The following ADGRL3 variants were observed in gnomAD, a reference collection of about 807,000 sequenced individuals.
The protein encoded by ADGRL3 is calcium-independent alpha-latrotoxin receptor 3.
In ADGRL3, 62 loss-of-function variants were observed where a neutral mutation model predicts 153.5. That is an observed-to-expected ratio of 0.40 (90% CI 0.33 to 0.50). ADGRL3 has a LOEUF of 0.50. Ranked by LOEUF, ADGRL3 falls within the 20% of genes least tolerant of loss-of-function variation. ADGRL3 has a pLI of 0.47. For synonymous variants in ADGRL3, 710 were observed against 672.5 expected, an observed-to-expected ratio of 1.06 and a Z score of -0.86; for missense variants, 1,641 against 1,859.4, an observed-to-expected ratio of 0.88 and a Z score of 2.16.
intron 5 of ADGRL3, among the ~76,000 whole-genome samples, chr4:61,600,477 T>C (rs965846061): frequency 1.3e-5 from 2 of 152,084 alleles, no homozygotes; most frequent in Non-Finnish European, 2.9e-5. Flanking sequence ...GCGTGATCTG[T>C]AAATTCAGAG....
intron 8 of ADGRL3, among the ~76,000 whole-genome samples, chr4:61,808,044 C>G (rs891030052): frequency 2.0e-5 from 3 of 152,160 alleles, no homozygotes; most frequent in Non-Finnish European, 1.5e-5. Flanking sequence ...CACAGTCTTT[C>G]ACTGGACTAT....
chr4:61,468,061 C>T (rs1056168814), intron 2 of ADGRL3, among the ~76,000 whole-genome samples: 6 of 152,046 alleles, frequency 3.9e-5, no homozygotes, highest in Non-Finnish European at 8.8e-5. Flanking sequence ...CGCTTTAGGC[C>T]CACAGCTCTT....
chr4:61,505,952 G>A (rs1291959381), intron 3 of ADGRL3, among the ~76,000 whole-genome samples: 2 of 152,054 alleles, frequency 1.3e-5, no homozygotes, highest in African/African-American at 2.4e-5. Context: ...AGAAGATGAT[G>A]TCACCATATT....
At chr4:61,624,356 G>C (rs886372387) in intron 5 of ADGRL3, among the ~76,000 whole-genome samples, 46 of 152,004 alleles carry the variant, frequency 3.0e-4, no homozygotes, top group African/African-American at 1.1e-3. Flanking sequence ...GTGAAGAATG[G>C]GATATAGAAA....
chr4:61,743,302 G>A (rs2096605989), intron 8 of ADGRL3, among the ~76,000 whole-genome samples: 1 of 137,778 alleles, frequency 7.3e-6, no homozygotes, highest in African/African-American at 2.7e-5. Context: ...TCCAGCCTGG[G>A]TGACAGAGCA....
At chr4:61,307,522 A>G (rs2094837749) in intron 1 of ADGRL3, among the ~76,000 whole-genome samples, 1 of 152,128 alleles carries the variant, frequency 6.6e-6, no homozygotes, top group Non-Finnish European at 1.5e-5. Context: ...ATTATATTTT[A>G]CTGTTGTAAA....
chr4:61,749,660 G>T (rs2096725920), intron 8 of ADGRL3, among the ~76,000 whole-genome samples: 1 of 151,938 alleles, frequency 6.6e-6, no homozygotes, highest in South Asian at 2.1e-4. Flanking sequence ...ATTGAACAAT[G>T]AGAACACATG....
intron 9 of ADGRL3, among the ~76,000 whole-genome samples, chr4:61,876,532 CA>C (rs753654488): frequency 1.6e-4 from 24 of 152,164 alleles, no homozygotes; most frequent in Non-Finnish European, 3.4e-4. Flanking sequence ...CCAAAAATGA[CA>C]ATTTCACTCT....
At chr4:61,906,209 C>A (rs2098694985) in intron 11 of ADGRL3, 1 of 146,354 alleles carries the variant, frequency 6.8e-6, no homozygotes. Context: ...GTAAATAACT[C>A]TCATATCTGC....
intron 1 of ADGRL3, among the ~76,000 whole-genome samples, chr4:61,272,377 T>C (rs2149804295): frequency 6.6e-6 from 1 of 152,172 alleles, no homozygotes; most frequent in African/African-American, 2.4e-5. Context: ...ATATCTTACT[T>C]TTTTCAAGAG....
At chr4:61,479,014 C>A (rs2152725477) in intron 2 of ADGRL3, among the ~76,000 whole-genome samples, 1 of 152,112 alleles carries the variant, frequency 6.6e-6, no homozygotes, top group East Asian at 1.9e-4. Context: ...GGCATTAAAG[C>A]TATACTTCAG....
At chr4:61,558,530 C>G (rs1211873450) in intron 4 of ADGRL3, among the ~76,000 whole-genome samples, 1 of 151,892 alleles carries the variant, frequency 6.6e-6, no homozygotes, top group Non-Finnish European at 1.5e-5. Context: ...CTCTCTACCA[C>G]TTTTTATCTA....
chr4:61,509,333 G>T (rs1049607092), intron 3 of ADGRL3, among the ~76,000 whole-genome samples: 1 of 151,850 alleles, frequency 6.6e-6, no homozygotes, highest in Non-Finnish European at 1.5e-5. Context: ...TTGCCATGTT[G>T]GCCAGGCTGG....
intron 17 of ADGRL3, among the ~76,000 whole-genome samples, chr4:61,950,034 C>T (rs1581597766): frequency 6.6e-6 from 1 of 152,254 alleles, no homozygotes; most frequent in Non-Finnish European, 1.5e-5. Flanking sequence ...TCATACAATT[C>T]ATTAAAATTT....
chr4:61,531,068 A>G (rs17090502), intron 4 of ADGRL3, among the ~76,000 whole-genome samples: 2,965 of 152,262 alleles, frequency 0.019, 90 homozygotes, highest in African/African-American at 0.066. Context: ...ATGGAAAAAT[A>G]TTTGTGATTT....
intron 1 of ADGRL3, among the ~76,000 whole-genome samples, chr4:61,206,789 C>G (rs1195659205): frequency 2.6e-5 from 4 of 151,994 alleles, no homozygotes; most frequent in Non-Finnish European, 5.9e-5. Flanking sequence ...TGAGACCAAC[C>G]TGACCAACAT....
intron 1 of ADGRL3, among the ~76,000 whole-genome samples, chr4:61,375,928 T>A (rs2096597405): frequency 6.6e-6 from 1 of 152,098 alleles, no homozygotes; most frequent in South Asian, 2.1e-4. Context: ...AGAACACATG[T>A]TTTCTTTCCT....
At chr4:61,627,093 G>A (rs902584125) in intron 5 of ADGRL3, among the ~76,000 whole-genome samples, 2 of 151,750 alleles carry the variant, frequency 1.3e-5, no homozygotes, top group East Asian at 3.9e-4. Flanking sequence ...ACCCTTTATT[G>A]CCTCTGATTA....
intron 4 of ADGRL3, among the ~76,000 whole-genome samples, chr4:61,573,380 A>C (rs991894723): frequency 1.3e-5 from 2 of 151,932 alleles, no homozygotes; most frequent in Admixed American, 1.3e-4. Context: ...TATAAAGAAA[A>C]TATTTATTTT....
Sources: allele counts gnomAD v4.1 joint callset (sites outside exome capture counted in the v4.1 genomes callset), GRCh38; gene constraint gnomAD v4.1.1; transcripts MANE v1.5; gene names NCBI Gene and HGNC (gene_info 2026-07-23, HGNC 2026-07-21).